The following MASTL variants were observed in gnomAD, a reference collection of about 807,000 sequenced individuals.
The protein encoded by MASTL is microtubule associated serine/threonine kinase like.
A neutral mutation model predicts 82.5 loss-of-function variants in MASTL; 54 were observed. That is an observed-to-expected ratio of 0.65 (90% CI 0.53 to 0.82). MASTL has a LOEUF of 0.82. Ranked by LOEUF, MASTL falls within the 40% of genes least tolerant of loss-of-function variation. The pLI, the probability that MASTL is intolerant of heterozygous loss-of-function variation, is 0.00. For missense variants in MASTL, 950 were observed against 1,047.8 expected, an observed-to-expected ratio of 0.91 and a Z score of 1.29; for synonymous variants, 323 against 368.9, an observed-to-expected ratio of 0.88 and a Z score of 1.43.
chr10:27,187,718 T>C lies in MASTL; in HGVS notation c.*1182T>C, dbSNP rs6482602. Among the ~76,000 whole-genome samples the C allele has an allele frequency of 0.68, 103,041 of 151,048 alleles. 35,314 individuals carry two copies. Among genetic ancestry groups the C allele is most frequent in the Non-Finnish European group, 0.7 (47,660 of 67,806 alleles). ...AGTGAGCTGAGATCACATCACTGCATTTCAGCCTGGGCAACAGAATGAGAC... is the reference window on the plus strand; with the variant it reads ...AGTGAGCTGAGATCACATCACTGCACTTCAGCCTGGGCAACAGAATGAGAC... On this transcript the variant is annotated 3_prime_UTR_variant, in exon 12 of 12. Transcript: ENST00000375940.
intron 8 of MASTL, among the ~76,000 whole-genome samples, 176 bp from the exon 9 acceptor site, chr10:27,172,942 T>A (rs186285201): frequency 6.6e-6 from 1 of 152,314 alleles, no homozygotes; most frequent in Non-Finnish European, 1.5e-5. Flanking sequence ...ATAAAAGGAC[T>A]TTTTCATAAT....
chr10:27,155,107 A>G (rs1282579798), upstream of MASTL: 2 of 345,774 alleles, frequency 5.8e-6, no homozygotes, highest in Non-Finnish European at 1.1e-5. Context: ...AAATCTCTTC[A>G]AATCCTGCGA....
At chr10:27,169,868 C>A in intron 7 of MASTL, 76 bp from the exon 8 acceptor site, 1 of 1,462,302 alleles carries the variant, frequency 6.8e-7, no homozygotes, top group Non-Finnish European at 9.5e-7. Flanking sequence ...ATTTATCCTA[C>A]CTTAACGGAC....
intron 8 of MASTL, among the ~76,000 whole-genome samples, chr10:27,171,462 T>C (rs2057934342): frequency 6.7e-6 from 1 of 149,564 alleles, no homozygotes; most frequent in Admixed American, 6.6e-5. Context: ...TGAGACAGTC[T>C]CGTTCTTTTG....
intron 9 of MASTL, 43 bp downstream of exon 9, chr10:27,173,302 C>T (rs1414752934): frequency 1.9e-6 from 3 of 1,611,464 alleles, no homozygotes; most frequent in Non-Finnish European, 2.5e-6. Flanking sequence ...TTATCTATCA[C>T]TACATTATCT....
intron 7 of MASTL, among the ~76,000 whole-genome samples, chr10:27,167,532 C>T (rs2057779503): frequency 6.6e-6 from 1 of 152,142 alleles, no homozygotes; most frequent in South Asian, 2.1e-4. Context: ...AAATGCTTGG[C>T]TTCTGTGTAT....
At chr10:27,177,824 G>A (rs894081717) in intron 9 of MASTL, 1 of 962,478 alleles carries the variant, frequency 1.0e-6, no homozygotes, top group Non-Finnish European at 1.2e-6. Context: ...CGGTGAGTGA[G>A]CTTCTCTATA....
At chr10:27,166,268 G>T (rs1252953161) in intron 6 of MASTL, among the ~76,000 whole-genome samples, 1 of 152,092 alleles carries the variant, frequency 6.6e-6, no homozygotes, top group East Asian at 1.9e-4. Context: ...AAAATCCCTT[G>T]TAAGTGTGTA....
intron 4 of MASTL, 146 bp downstream of exon 4, chr10:27,161,328 CA>C: frequency 1.7e-6 from 1 of 578,806 alleles, no homozygotes; most frequent in Non-Finnish European, 3.2e-6. Context: ...GCTAACGTGG[CA>C]AAACCCCATC....
At chr10:27,174,091 A>T (rs2058030972) in intron 9 of MASTL, among the ~76,000 whole-genome samples, 1 of 151,820 alleles carries the variant, frequency 6.6e-6, no homozygotes, top group Non-Finnish European at 1.5e-5. Context: ...ACGGTGGCTC[A>T]CGCCTGTAAT....
In MASTL at chr10:27,167,141, A is replaced by C. The variant is rs566049019; in HGVS notation, c.851A>C (p.Lys284Thr). The change falls in exon 7 of 12, where the codon AAG becomes ACG. Residue 284 changes from lysine to threonine, a missense_variant. Lys to Thr is a moderately conservative substitution (Grantham distance 78). Transcript: ENST00000375940. ...GCCTCCAACCCAGGAATGCCTGTGA[A>C]GTGTCTAACTTCTAATTTACTCCAG... ...TVASNPGMPV[K>T]CLTSNLLQSR... 3 of 1,613,994 alleles carry C rather than the reference A, an allele frequency of 1.9e-6. No individual in the cohort carries two copies. The African/African-American group carries it at 4.0e-5, about 22-fold the overall frequency.
At chr10:27,161,203 G>A in intron 4 of MASTL, 21 bp downstream of exon 4, 1 of 1,423,080 alleles carries the variant, frequency 7.0e-7, no homozygotes, top group Non-Finnish European at 9.9e-7. Flanking sequence ...TATCAAGTAA[G>A]TACTTTTTTA....
chr10:27,165,113 A>T lies in MASTL; in HGVS notation c.603A>T (p.Arg201Ser), dbSNP rs1345369865. 1.2e-6 allele frequency: 2 copies of T among 1,613,604 alleles called. No individual in the cohort carries two copies. Among genetic ancestry groups the T allele is most frequent in the Admixed American group, 1.7e-5 (1 of 60,026 alleles). The change falls in exon 5 of 12, where the codon AGA (arginine) becomes AGT (serine). Residue 201 changes from arginine to serine, a missense_variant. Coordinates refer to ENST00000375940, the MANE Select transcript of MASTL (RefSeq NM_001172303.3). The part of the protein sequence containing the change: ...ILTTPSMAKP[R>S]QDYSRTPGQV... ...CAACACCATCAATGGCAAAACCTAG[A>T]CAAGATTATTCAAGAACCCCAGGAC... is the stretch of plus-strand genomic sequence containing the variant.
intron 6 of MASTL, among the ~76,000 whole-genome samples, chr10:27,166,597 A>T (rs779476510): frequency 6.6e-6 from 1 of 152,060 alleles, no homozygotes; most frequent in African/African-American, 2.4e-5. Flanking sequence ...ATATAGTGAG[A>T]CCCCCATCTC....
chr10:27,158,710 T>C lies in MASTL; in HGVS notation c.324+24T>C, dbSNP rs770682237. ...TGGTGAGTAAATAATTTTTATGTTG[T>C]TTCTTTATCCATTAAGCAGTCATTG... On this transcript the variant is annotated intron_variant, in intron 2 of 11. Transcript: ENST00000375940. 8.7e-6 allele frequency: 14 copies of C among 1,611,530 alleles called. No individual in the cohort carries two copies. In the African/African-American group the frequency reaches 1.9e-4, roughly 22 times the overall value.
At chr10:27,171,237 G>A (rs984341612) in intron 8 of MASTL, among the ~76,000 whole-genome samples, 154 bp downstream of exon 8, 2 of 152,052 alleles carry the variant, frequency 1.3e-5, no homozygotes. Flanking sequence ...ACCCAGAAAA[G>A]TAAAGCTGGT....
chr10:27,180,065 G>A lies in MASTL; in HGVS notation c.2267-888G>A, dbSNP rs551429791. On this transcript the variant is annotated intron_variant, in intron 9 of 11. Transcript: ENST00000375940. ...AAAGCAGTTGTCACATTGCCCAAGT[G>A]AAAACAATGTGGGTTTTTGCACTTT... Among the ~76,000 whole-genome samples, 75 of 152,286 alleles carry A rather than the reference G, an allele frequency of 4.9e-4. No individual in the cohort carries two copies. In the South Asian group the frequency reaches 0.013, roughly 27 times the overall value.
chr10:27,161,022 T>C (rs2057553800), intron 3 of MASTL, 72 bp from the exon 4 acceptor site: 5 of 1,023,860 alleles, frequency 4.9e-6, no homozygotes, highest in Non-Finnish European at 7.8e-6. Flanking sequence ...TTGTAACTCT[T>C]TTTTTCTGGA....
Position 27,180,961 on chromosome 10 carries a change from G to T in MASTL, c.2275G>T (p.Val759Leu). ...TTCCTCTTCGATTACAGGTCCTGCG[G>T]TAGACTGGTGGGCACTTGGAGTTTG... ...LLLGRAHGPA[V>L]DWWALGVCLF... Residue 759 changes from valine (V) to leucine (L), a missense_variant, in exon 10 of 12, where the codon GTA becomes TTA. Coordinates refer to ENST00000375940, the MANE Select transcript of MASTL (RefSeq NM_001172303.3). The T allele has an allele frequency of 6.2e-7, 1 of 1,608,950 alleles. No individual in the cohort carries two copies. The highest frequency in any genetic ancestry group is 8.5e-7 in the Non-Finnish European group (1 of 1,175,244).
Sources: gnomAD v4.1 joint callset for allele counts (sites outside exome capture counted in the v4.1 genomes callset) on GRCh38, gnomAD v4.1.1 for gene constraint, MANE v1.5 for transcripts, NCBI Gene and HGNC (gene_info 2026-07-23, HGNC 2026-07-21) for gene names.